ABI1: variants seen among roughly 807,000 people sequenced by gnomAD.
ABI1 encodes abl interactor 1, also known as Abelson interactor 1.
Under a neutral mutation model 54.6 loss-of-function variants are expected in ABI1, and 14 were observed. The observed-to-expected ratio is 0.26, with a 90% CI of 0.17 to 0.40. The LOEUF (loss-of-function observed/expected upper bound fraction) is 0.40. Ranked by LOEUF, ABI1 falls within the 10% of genes least tolerant of loss-of-function variation. The pLI, the probability that ABI1 is intolerant of heterozygous loss-of-function variation, is 1.00. For synonymous variants in ABI1, 194 were observed against 209.3 expected (o/e 0.93, Z 0.63); for missense variants, 443 against 598.3 (o/e 0.74, Z 2.71).
At chr10:26,780,478 G>A (rs569343362) in intron 2 of ABI1, among the ~76,000 whole-genome samples, 62 of 152,242 alleles carry the variant, frequency 4.1e-4, no homozygotes, top group African/African-American at 1.0e-3. Flanking sequence ...AAGCAATAAC[G>A]ATCTTGCACA....
intron 2 of ABI1, among the ~76,000 whole-genome samples, chr10:26,812,082 G>A (rs2047277437): frequency 6.6e-6 from 1 of 152,028 alleles, no homozygotes; most frequent in Admixed American, 6.6e-5. Context: ...GCTCTTCTAT[G>A]TCAAATCCTC....
At chr10:26,817,672 T>C (rs1432029876) in intron 2 of ABI1, among the ~76,000 whole-genome samples, 1 of 152,198 alleles carries the variant, frequency 6.6e-6, no homozygotes, top group Non-Finnish European at 1.5e-5. Flanking sequence ...TTAATGCCAC[T>C]GTACACTTAA....
chr10:26,797,740 G>A (rs1037473612), intron 2 of ABI1, among the ~76,000 whole-genome samples: 1 of 152,126 alleles, frequency 6.6e-6, no homozygotes, highest in African/African-American at 2.4e-5. Context: ...ATGGCTTGTC[G>A]ATATCAGAGT....
At chr10:26,781,918 T>A (rs149900042) in intron 2 of ABI1, among the ~76,000 whole-genome samples, 2 of 152,204 alleles carry the variant, frequency 1.3e-5, no homozygotes, top group Non-Finnish European at 2.9e-5. Context: ...TCTATCATCA[T>A]AGAGTGGATA....
chr10:26,773,215 C>CTTTTTTTTTCTTTTTTTTTTTTT lies in ABI1; in HGVS notation c.463-2127_463-2126insAAAAAAAAAAAAAGAAAAAAAAA, dbSNP rs1840937131. ...AGGCACTAAATGTCTAATGCTAATT[C>CTTTTTTTTTCTTTTTTTTTTTTT]TTTTTTTTTTTTTGCTGGCTCTGTT... is the stretch of plus-strand genomic sequence containing the variant. On this transcript the variant is annotated intron_variant, in intron 3 of 10. Coordinates refer to ENST00000376140, the MANE Select transcript of ABI1 (RefSeq NM_001012750.3). 8.6e-5 allele frequency among the ~76,000 whole-genome samples: 8 copies of CTTTTTTTTTCTTTTTTTTTTTTT among 92,500 alleles called. 1 individual carries two copies. Among genetic ancestry groups the CTTTTTTTTTCTTTTTTTTTTTTT allele is most frequent in the African/African-American group, 3.6e-4 (8 of 22,198 alleles). The allele number at this position is 92,500 out of a possible 152,430, so 60.7% of individuals were successfully genotyped here.
chr10:26,788,773 G>A (rs1190457876), intron 2 of ABI1, among the ~76,000 whole-genome samples: 3 of 151,926 alleles, frequency 2.0e-5, no homozygotes, highest in Non-Finnish European at 4.4e-5. Context: ...TTAGCTGGGC[G>A]TGGTTGGCGG....
rs1564601559 is a variant in ABI1 at position 26,860,826 on chromosome 10, G to A, written c.38C>T (p.Pro13Leu). ...ELQMLLEEEI[P>L]SGKRALIESY... The stretch of plus-strand genomic sequence containing the variant: ...CTCGATCAGCGCCCTCTTGCCAGAC[G>A]GGATCTCCTCCTCTAGTAACATCTG... The change falls in exon 1 of 11, where the codon CCG becomes CTG. Residue 13 changes from proline (P) to leucine (L), a missense_variant. Physicochemically the swap from Pro to Leu is moderately conservative, Grantham distance 98. Around this residue, in one of 2 missense-constraint regions of ABI1, gnomAD observed 394 missense variants for 484.8 expected, o/e 0.81. Coordinates refer to ENST00000376140, the MANE Select transcript of ABI1 (RefSeq NM_001012750.3). This position sits in a 1 kb window ranked among gnomAD's most constrained non-coding sequence, Gnocchi z 4.1. 1.2e-6 allele frequency: 2 copies of A among 1,613,950 alleles called. No homozygotes were observed. Among genetic ancestry groups the A allele is most frequent in the Non-Finnish European group, 1.7e-6 (2 of 1,180,004 alleles).
chr10:26,791,198 CA>C (rs1564505227), intron 2 of ABI1, among the ~76,000 whole-genome samples: 1 of 150,372 alleles, frequency 6.7e-6, no homozygotes, highest in African/African-American at 2.5e-5. Flanking sequence ...TGGAACATAA[CA>C]TAATCAAGAG....
chr10:26,759,296 A>C (rs929360356), intron 7 of ABI1, 58 bp from the exon 8 acceptor site: 10 of 1,504,614 alleles, frequency 6.6e-6, no homozygotes, highest in African/African-American at 1.4e-5. Context: ...TAATCACCTT[A>C]GATGGCAGAA....
chr10:26,832,413 T>G lies in ABI1; in HGVS notation c.118-9108A>C, dbSNP rs985003075. 4.0e-5 allele frequency among the ~76,000 whole-genome samples: 6 copies of G among 151,620 alleles called. 1 individual carries two copies. Among genetic ancestry groups the G allele is most frequent in the African/African-American group, 1.2e-4 (5 of 41,122 alleles). On this transcript the variant is annotated intron_variant, in intron 1 of 10. Transcript: ENST00000376140. The stretch of plus-strand genomic sequence containing the variant: ...CTGGCTAACACAATGAAACCCTATC[T>G]CTATTAAAAAATACAAAAAAATTAG...
chr10:26,809,923 C>T (rs1023929814), intron 2 of ABI1, among the ~76,000 whole-genome samples: 11 of 152,156 alleles, frequency 7.2e-5, no homozygotes, highest in Non-Finnish European at 1.3e-4. Flanking sequence ...CTGTGTGTCT[C>T]TTCATTTGGC....
intron 2 of ABI1, among the ~76,000 whole-genome samples, chr10:26,797,370 T>G (rs1289021305): frequency 6.6e-6 from 1 of 152,214 alleles, no homozygotes; most frequent in Non-Finnish European, 1.5e-5. Context: ...CAATATGCAC[T>G]CTATAAGTGC....
chr10:26,783,312 C>T (rs1842365385), intron 2 of ABI1, among the ~76,000 whole-genome samples: 1 of 152,134 alleles, frequency 6.6e-6, no homozygotes, highest in Non-Finnish European at 1.5e-5. Context: ...GCTCAAAGGA[C>T]ACTTGTTTAA....
intron 2 of ABI1, among the ~76,000 whole-genome samples, chr10:26,812,159 C>G (rs2047282010): frequency 6.6e-6 from 1 of 152,202 alleles, no homozygotes; most frequent in South Asian, 2.1e-4. Flanking sequence ...CCAGGATAAT[C>G]TTCCCATCTC....
Position 26,860,711 on chromosome 10 carries a change from C to T in ABI1, c.117+36G>A. The T allele has an allele frequency of 6.4e-7, 1 of 1,573,518 alleles. No homozygotes were observed. Among genetic ancestry groups the T allele is most frequent in the Non-Finnish European group, 8.7e-7 (1 of 1,144,516 alleles). ...GCTGGTCACTCCGGCGGGTCCTCGA[C>T]CCGGCCAGCGCCCGCCGGCCGCCAG... On this transcript the variant is annotated intron_variant, in intron 1 of 10. Coordinates refer to ENST00000376140, the MANE Select transcript of ABI1 (RefSeq NM_001012750.3). This position sits in a 1 kb window ranked among gnomAD's most constrained non-coding sequence, Gnocchi z 4.1.
At chr10:26,838,028 CT>C (rs201597873) in intron 1 of ABI1, among the ~76,000 whole-genome samples, 12,407 of 144,898 alleles carry the variant, frequency 0.086, 499 homozygotes, top group East Asian at 0.13. Flanking sequence ...AATCTTATTA[CT>C]TTTTTTTTTT....
At position 26,768,919 on chromosome 10, in the gene ABI1, C is replaced by A. The variant is rs1196954155; in HGVS notation, c.652G>T (p.Ala218Ser). 6.2e-7 allele frequency: 1 copy of A among 1,613,394 alleles called. No homozygotes were observed. Among genetic ancestry groups the A allele is most frequent in the East Asian group, 2.2e-5 (1 of 44,858 alleles). ...GGACTATGCTGACTTCCAAGCCTAGCAGGACTGGTCATATAGTCATTAGGA... is the reference window on the plus strand; with the variant it reads ...GGACTATGCTGACTTCCAAGCCTAGAAGGACTGGTCATATAGTCATTAGGA... ...TVPNDYMTSPARLGSQHSPGR... is the reference protein window; with the variant it reads ...TVPNDYMTSPSRLGSQHSPGR... The change falls in exon 6 of 11, where the codon GCT becomes TCT. Residue 218 changes from alanine (A) to serine (S), a missense_variant. Transcript: ENST00000376140.
intron 2 of ABI1, among the ~76,000 whole-genome samples, chr10:26,782,150 C>G (rs866645232): frequency 3.9e-5 from 6 of 152,304 alleles, no homozygotes; most frequent in South Asian, 2.1e-4. Context: ...AATCAGCTGA[C>G]TCCAGCCACA....
rs547874927 is a variant in ABI1 at position 26,794,632 on chromosome 10, A to T, written c.286-17391T>A. ...AAGCAAAAAAACAGTTATCAACTTCACACAGTTACTGTAAGGATTAAATGA... is the reference window on the plus strand; with the variant it reads ...AAGCAAAAAAACAGTTATCAACTTCTCACAGTTACTGTAAGGATTAAATGA... On this transcript the variant is annotated intron_variant, in intron 2 of 10. Coordinates refer to ENST00000376140, the MANE Select transcript of ABI1 (RefSeq NM_001012750.3). 9.2e-5 allele frequency among the ~76,000 whole-genome samples: 14 copies of T among 151,664 alleles called. No individual in the cohort carries two copies. In the South Asian group the frequency reaches 1.7e-3, roughly 18 times the overall value.
Sources: allele counts gnomAD v4.1 joint callset (sites outside exome capture counted in the v4.1 genomes callset), GRCh38; gene constraint gnomAD v4.1.1; regional missense constraint gnomAD v4.1.1; non-coding constraint Gnocchi (gnomAD v3.1); transcripts MANE v1.5; gene names NCBI Gene and HGNC (gene_info 2026-07-23, HGNC 2026-07-21).